Variants in MYL10 observed in about 807,000 individuals in gnomAD.
MYL10 encodes the protein myosin regulatory light chain 10.
A neutral mutation model predicts 21.9 loss-of-function variants in MYL10; 18 were observed. That is an observed-to-expected ratio of 0.82 (90% confidence interval 0.57 to 1.22). MYL10 has a LOEUF of 1.22. Ranked by LOEUF, MYL10 falls within the 50% of genes most tolerant of loss-of-function variation. MYL10 has a pLI of 0.00. For synonymous variants in MYL10, 88 were observed against 82.8 expected (o/e 1.06, Z -0.34); for missense variants, 225 against 230.4 (o/e 0.98, Z 0.15).
At chr7:101,626,127 G>T (rs1051919494) in intron 1 of MYL10, among the ~76,000 whole-genome samples, 1 of 152,210 alleles carries the variant, frequency 6.6e-6, no homozygotes, top group African/African-American at 2.4e-5. Flanking sequence ...GGGGTCACCC[G>T]GATCTGGGTT....
chr7:101,615,677 G>A (rs1452876981), intron 6 of MYL10, among the ~76,000 whole-genome samples: 1 of 146,810 alleles, frequency 6.8e-6, no homozygotes, highest in Non-Finnish European at 1.5e-5. Flanking sequence ...AAGCTCTCCT[G>A]GAGTGACCCA....
At chr7:101,614,251 A>G (rs12540150) in intron 6 of MYL10, among the ~76,000 whole-genome samples, 63,072 of 152,082 alleles carry the variant, frequency 0.41, 13,521 homozygotes, top group African/African-American at 0.5. Flanking sequence ...TCAGTGGGCA[A>G]AGATGGGATC....
chr7:101,622,100 C>T lies in MYL10; in HGVS notation c.450G>A (p.Leu150=), dbSNP rs1363852934. 1.9e-6 allele frequency: 3 copies of T among 1,613,628 alleles called. No homozygotes were observed. Among genetic ancestry groups the T allele is most frequent in the Non-Finnish European group, 2.5e-6 (3 of 1,179,602 alleles). The change falls in exon 5 of 8, where the codon CTG becomes CTA. Residue 150 remains leucine (L), a synonymous_variant. Coordinates refer to ENST00000223167, the MANE Select transcript of MYL10 (RefSeq NM_138403.5). ...GACTCCAGGAGCCTGGCTCACCCTT[C>T]AGCTTCTCCCCAAACATGGTCAGGA... is the stretch of plus-strand genomic sequence containing the variant. The part of the protein sequence containing the change: ...TVFLTMFGEK[L]KGTDPEETIL...
At chr7:101,622,875 AC>A in intron 4 of MYL10, 121 bp downstream of exon 4, 1 of 747,212 alleles carries the variant, frequency 1.3e-6, no homozygotes, top group Non-Finnish European at 2.1e-6. Context: ...GGCTGCCTTT[AC>A]CCTGTGCTCC....
At chr7:101,622,864 T>C in intron 4 of MYL10, 133 bp downstream of exon 4, 1 of 693,556 alleles carries the variant, frequency 1.4e-6, no homozygotes, top group Non-Finnish European at 2.3e-6. Flanking sequence ...TTCCAGACAG[T>C]GGCTGCCTTT....
intron 6 of MYL10, among the ~76,000 whole-genome samples, chr7:101,615,493 C>A (rs191523864): frequency 6.6e-6 from 1 of 150,582 alleles, no homozygotes; most frequent in Non-Finnish European, 1.5e-5. Context: ...CTCCCCTACA[C>A]CACCTCCACC....
intron 1 of MYL10, among the ~76,000 whole-genome samples, chr7:101,628,189 C>T (rs1796769019): frequency 6.6e-6 from 1 of 152,228 alleles, no homozygotes; most frequent in African/African-American, 2.4e-5. Context: ...CGCAGTGGCT[C>T]ACGCCTGTAA....
chr7:101,625,140 G>T (rs1474012984), intron 1 of MYL10, among the ~76,000 whole-genome samples: 1 of 152,120 alleles, frequency 6.6e-6, no homozygotes, highest in Non-Finnish European at 1.5e-5. Context: ...CAGAACTCAG[G>T]GCCAACCCAC....
At chr7:101,620,502 G>C (rs919002754) in intron 5 of MYL10, among the ~76,000 whole-genome samples, 6 of 152,228 alleles carry the variant, frequency 3.9e-5, no homozygotes, top group Non-Finnish European at 7.3e-5. Flanking sequence ...GACTGTGAGA[G>C]AATACATGTC....
chr7:101,627,981 G>C (rs546047491), intron 1 of MYL10, among the ~76,000 whole-genome samples: 199 of 152,280 alleles, frequency 1.3e-3, no homozygotes, highest in South Asian at 7.4e-3. Flanking sequence ...CATAGGAATA[G>C]GGGGGAGTGT....
intron 5 of MYL10, 72 bp downstream of exon 5, chr7:101,622,024 G>T (rs1396326005): frequency 5.0e-6 from 6 of 1,208,392 alleles, no homozygotes; most frequent in Non-Finnish European, 7.3e-6. Context: ...TGTGTGTCAG[G>T]CCCCTGCCTT....
Position 101,622,098 on chromosome 7 carries a change from T to G in MYL10, c.452A>C (p.Lys151Thr), listed in dbSNP as rs1160823183. ...VFLTMFGEKL[K>T]GTDPEETILH... is the part of the protein sequence containing the mutation. Reference sequence around the variant, plus strand: ...AGGACTCCAGGAGCCTGGCTCACCCTTCAGCTTCTCCCCAAACATGGTCAG... The same window carrying G: ...AGGACTCCAGGAGCCTGGCTCACCCGTCAGCTTCTCCCCAAACATGGTCAG... The change falls in exon 5 of 8, where the codon AAG (lysine) becomes ACG (threonine). Residue 151 changes from lysine (K) to threonine (T), a missense_variant and splice_region_variant. Transcript: ENST00000223167. 1.2e-6 allele frequency: 2 copies of G among 1,612,958 alleles called. No homozygotes were observed. Among genetic ancestry groups the G allele is most frequent in the African/African-American group, 2.7e-5 (2 of 74,882 alleles).
intron 5 of MYL10, among the ~76,000 whole-genome samples, chr7:101,617,540 T>A (rs1014353655): frequency 2.6e-5 from 4 of 152,250 alleles, no homozygotes; most frequent in African/African-American, 9.6e-5. Flanking sequence ...CCAGTCAGAT[T>A]AGGTCAGCCA....
Position 101,616,109 on chromosome 7 carries a change from C to T in MYL10, c.533+111G>A, listed in dbSNP as rs1796606188. 7 of 810,628 alleles carry T rather than the reference C, an allele frequency of 8.6e-6. No individual in the cohort carries two copies. In the South Asian group the frequency reaches 1.1e-4, roughly 13 times the overall value. The allele number at this position is 810,628 out of a possible 1,614,324, so 50.2% of individuals were successfully genotyped here. ...GCGATATCACTGGGCTGGGCAGCGG[C>T]CCCCCAGCTCCTGGCTTCTGGGAGA... On this transcript the variant is annotated intron_variant, in intron 6 of 7. Coordinates refer to ENST00000223167, the MANE Select transcript of MYL10 (RefSeq NM_138403.5).
chr7:101,624,043 A>G, intron 2 of MYL10, 22 bp from the exon 3 acceptor site: 3 of 658,966 alleles, frequency 4.6e-6, no homozygotes, highest in Non-Finnish European at 8.1e-6. Context: ...ACAAATAATA[A>G]TAATAATAAT....
intron 5 of MYL10, among the ~76,000 whole-genome samples, chr7:101,616,747 G>A (rs141975209): frequency 7.0e-4 from 107 of 152,270 alleles, no homozygotes; most frequent in African/African-American, 2.3e-3. Flanking sequence ...ACAAGAGGCC[G>A]TGGGTGGAGG....
intron 5 of MYL10, 21 bp downstream of exon 5, chr7:101,622,075 G>A (rs1203866724): frequency 8.2e-6 from 13 of 1,593,774 alleles, no homozygotes; most frequent in Admixed American, 1.7e-5. Flanking sequence ...GCCCCTCCAG[G>A]ACTCCAGGAG....
intron 1 of MYL10, among the ~76,000 whole-genome samples, chr7:101,627,988 G>A (rs1283013974): frequency 2.6e-5 from 4 of 152,210 alleles, no homozygotes; most frequent in African/African-American, 9.6e-5. Flanking sequence ...ATAGGGGGGA[G>A]TGTATGAAAC....
chr7:101,625,016 G>A (rs1443141644), intron 1 of MYL10, among the ~76,000 whole-genome samples: 1 of 151,908 alleles, frequency 6.6e-6, no homozygotes, highest in East Asian at 1.9e-4. Context: ...CTGTGTCCTC[G>A]ACTAAGTGGA....
Sources: gnomAD v4.1 joint callset for allele counts (sites outside exome capture counted in the v4.1 genomes callset) on GRCh38, gnomAD v4.1.1 for gene constraint, MANE v1.5 for transcripts, NCBI Gene and HGNC (gene_info 2026-07-23, HGNC 2026-07-21) for gene names.